The following GREM2 variants were observed in gnomAD, a reference collection of about 807,000 sequenced individuals.
GREM2 encodes gremlin-2.
A neutral mutation model predicts 14.2 loss-of-function variants in GREM2; 11 were observed. That is an observed-to-expected ratio of 0.78 (90% CI 0.49 to 1.28). The LOEUF is 1.28. GREM2 is among the 50% of genes most tolerant of loss of function. GREM2 has a pLI of 0.00. For synonymous variants in GREM2, 98 were observed against 97.6 expected (o/e 1.00, Z -0.02); for missense variants, 210 against 218.5 (o/e 0.96, Z 0.24).
At chr1:240,531,344 C>T (rs540923493) in intron 1 of GREM2, among the ~76,000 whole-genome samples, 1 of 152,252 alleles carries the variant, frequency 6.6e-6, no homozygotes, top group Non-Finnish European at 1.5e-5. Context: ...TTAAATTTTT[C>T]TGGAAGATTA....
At chr1:240,494,179 T>C (rs1476404429) in intron 1 of GREM2, among the ~76,000 whole-genome samples, 1 of 152,210 alleles carries the variant, frequency 6.6e-6, no homozygotes, top group Admixed American at 6.5e-5. Flanking sequence ...CATTTACATG[T>C]ATATCTCATT....
intron 1 of GREM2, among the ~76,000 whole-genome samples, chr1:240,586,028 GAA>G (rs887096662): frequency 2.4e-5 from 3 of 127,274 alleles, no homozygotes; most frequent in East Asian, 2.3e-4. Context: ...ACCCACGATA[GAA>G]AAAAAAAAAA....
chr1:240,562,840 A>G lies in GREM2; in HGVS notation c.-2+49044T>C, dbSNP rs1045049675. 6.1e-5 allele frequency among the ~76,000 whole-genome samples: 9 copies of G among 147,324 alleles called. No individual in the cohort carries two copies. The East Asian group carries it at 6.1e-4, about 10-fold the overall frequency. ...ATTGTGTACACGTGAGTGTGTGTAT[A>G]TGAGTGTGTATGTGTGTATGTGTAT... On this transcript the variant is annotated intron_variant, in intron 1 of 1. Transcript: ENST00000318160.
chr1:240,576,626 G>A (rs183338784), intron 1 of GREM2, among the ~76,000 whole-genome samples: 1 of 152,234 alleles, frequency 6.6e-6, no homozygotes, highest in Admixed American at 6.5e-5. Flanking sequence ...GGGGGAGGGG[G>A]CAGTCAGATA....
intron 1 of GREM2, among the ~76,000 whole-genome samples, chr1:240,586,797 C>G (rs573764256): frequency 6.6e-6 from 1 of 152,034 alleles, no homozygotes; most frequent in Non-Finnish European, 1.5e-5. Context: ...AGTTTTTTAC[C>G]CAACCTCTAC....
intron 1 of GREM2, among the ~76,000 whole-genome samples, chr1:240,578,226 A>G (rs189432046): frequency 6.6e-6 from 1 of 152,114 alleles, no homozygotes; most frequent in Non-Finnish European, 1.5e-5. Context: ...CCTGGGTTCA[A>G]GCTATTCTCC....
intron 1 of GREM2, among the ~76,000 whole-genome samples, chr1:240,533,581 G>A (rs1375438591): frequency 1.3e-5 from 2 of 152,158 alleles, no homozygotes; most frequent in Admixed American, 6.5e-5. Flanking sequence ...GACAAGGGGA[G>A]TAGGTGGCTC....
intron 1 of GREM2, among the ~76,000 whole-genome samples, chr1:240,555,655 A>G (rs148896581): frequency 6.6e-6 from 1 of 152,252 alleles, no homozygotes; most frequent in African/African-American, 2.4e-5. Context: ...GGTATCGTGC[A>G]TATTTTGGAT....
At chr1:240,579,931 A>G (rs1679452954) in intron 1 of GREM2, among the ~76,000 whole-genome samples, 1 of 152,212 alleles carries the variant, frequency 6.6e-6, no homozygotes, top group Non-Finnish European at 1.5e-5. Context: ...ATCCCCTTGC[A>G]TGGGGCAGTG....
At chr1:240,550,425 A>G (rs1435779053) in intron 1 of GREM2, 1 of 152,448 alleles carries the variant, frequency 6.6e-6, no homozygotes, top group East Asian at 1.9e-4. Flanking sequence ...ACAAACAAAC[A>G]AACAAACTCC....
intron 1 of GREM2, among the ~76,000 whole-genome samples, chr1:240,497,444 T>C (rs1185786840): frequency 2.0e-5 from 3 of 151,852 alleles, no homozygotes; most frequent in African/African-American, 7.3e-5. Flanking sequence ...CCACAAAGTA[T>C]AGTGAGGGCG....
intron 1 of GREM2, among the ~76,000 whole-genome samples, chr1:240,510,303 G>C (rs1339662114): frequency 6.8e-6 from 1 of 147,212 alleles, no homozygotes; most frequent in East Asian, 2.1e-4. Context: ...CGGGGAGGCG[G>C]AGCTTGCACT....
chr1:240,493,980 C>T (rs188858909), intron 1 of GREM2, among the ~76,000 whole-genome samples: 73 of 152,344 alleles, frequency 4.8e-4, no homozygotes, highest in African/African-American at 9.4e-4. Context: ...GGCAAGGAGG[C>T]GGACAAAATG....
intron 1 of GREM2, among the ~76,000 whole-genome samples, chr1:240,609,654 G>A (rs1167884638): frequency 3.3e-5 from 5 of 152,036 alleles, no homozygotes; most frequent in African/African-American, 1.2e-4. Context: ...CCTGCAACCT[G>A]GCACGTTGCA....
chr1:240,549,664 A>T (rs1678805844), intron 1 of GREM2, among the ~76,000 whole-genome samples: 1 of 152,180 alleles, frequency 6.6e-6, no homozygotes, highest in South Asian at 2.1e-4. Context: ...CTCTGAGATA[A>T]CACTGAAGAA....
intron 1 of GREM2, among the ~76,000 whole-genome samples, chr1:240,582,473 T>G (rs375205141): frequency 7.2e-5 from 11 of 151,964 alleles, no homozygotes; most frequent in East Asian, 3.9e-4. Context: ...TATTGAATTC[T>G]TATTTTCTGA....
chr1:240,536,116 G>T (rs1678464517), intron 1 of GREM2, among the ~76,000 whole-genome samples: 1 of 152,102 alleles, frequency 6.6e-6, no homozygotes, highest in Admixed American at 6.6e-5. Flanking sequence ...TCAATTTCAA[G>T]AAATTTGATT....
chr1:240,517,890 G>C (rs1677986921), intron 1 of GREM2, among the ~76,000 whole-genome samples: 1 of 152,176 alleles, frequency 6.6e-6, no homozygotes, highest in Non-Finnish European at 1.5e-5. Context: ...CTAGTCAAGA[G>C]AAATTCCTTG....
At chr1:240,558,962 A>T (rs1306392479) in intron 1 of GREM2, among the ~76,000 whole-genome samples, 2 of 152,074 alleles carry the variant, frequency 1.3e-5, no homozygotes, top group Non-Finnish European at 2.9e-5. Context: ...CTGTCTCTGT[A>T]TTTAACCTGT....
Sources: allele counts gnomAD v4.1 joint callset (sites outside exome capture counted in the v4.1 genomes callset), GRCh38; gene constraint gnomAD v4.1.1; transcripts MANE v1.5; gene names NCBI Gene and HGNC (gene_info 2026-07-23, HGNC 2026-07-21).